SCUBE2: variants seen among roughly 807,000 people sequenced by gnomAD.
The protein encoded by SCUBE2 is signal peptide, CUB and EGF-like domain-containing protein 2.
A neutral mutation model predicts 125.9 loss-of-function variants in SCUBE2; 114 were observed. The observed-to-expected ratio is 0.91, with a 90% confidence interval of 0.78 to 1.06. The LOEUF (loss-of-function observed/expected upper bound fraction) is 1.06. Among genes scored for constraint, SCUBE2 ranks in the 50% least tolerant of loss-of-function variants. The pLI is 0.00. For synonymous variants in SCUBE2, 459 were observed against 492.9 expected (o/e 0.93, Z 0.91); for missense variants, 1,255 against 1,301.8 (o/e 0.96, Z 0.55).
intron 16 of SCUBE2, among the ~76,000 whole-genome samples, chr11:9,036,348 C>T (rs1856753203): frequency 6.6e-6 from 1 of 152,240 alleles, no homozygotes; most frequent in Admixed American, 6.5e-5. Flanking sequence ...CTGGTTCCAG[C>T]CCATCTCTCA....
chr11:9,047,811 C>A, intron 15 of SCUBE2, 132 bp downstream of exon 15: 1 of 1,154,406 alleles, frequency 8.7e-7, no homozygotes, highest in Non-Finnish European at 1.2e-6. Context: ...AGTTTAGTTT[C>A]GGGGTGAAAA....
rs1431638121 is a variant in SCUBE2, at chr11:9,079,469, G to C, written c.297C>G (p.Val99=). The change falls in exon 3 of 23, where the codon GTC becomes GTG. Residue 99 remains valine (V), a synonymous_variant. Transcript: ENST00000649792. ...TGCCTGGAATATTCAAACAGTCATG[G>C]ACACAGCCTCCATTGAGCTCATTTC... is the stretch of plus-strand genomic sequence containing the variant. ...ECGNELNGGC[V]HDCLNIPGNY... 5 of 1,614,074 alleles carry C rather than the reference G, an allele frequency of 3.1e-6. No individual in the cohort carries two copies. The highest frequency in any genetic ancestry group is 4.2e-6 in the Non-Finnish European group (5 of 1,179,972).
intron 7 of SCUBE2, 101 bp downstream of exon 7, chr11:9,065,790 G>T (rs1329057676): frequency 5.3e-6 from 5 of 949,064 alleles, no homozygotes; most frequent in Non-Finnish European, 8.5e-6. Context: ...CAGTCCAGCT[G>T]GTCTGAGGGC....
chr11:9,045,606 GACAGACACACACACACACACACACAC>G (rs1181839824), intron 16 of SCUBE2, among the ~76,000 whole-genome samples: 1 of 115,162 alleles, frequency 8.7e-6, no homozygotes, highest in Non-Finnish European at 1.9e-5. Context: ...AAGACAGACA[GACAGACACACACACACACACACACAC>G]ACACACACAC....
intron 1 of SCUBE2, chr11:9,090,361 G>C (rs554804494): frequency 6.5e-6 from 1 of 154,186 alleles, no homozygotes; most frequent in African/African-American, 2.4e-5. Flanking sequence ...CTTTCTCGGA[G>C]CTCAGAGCAA....
rs1299237412 is a variant in SCUBE2, at chr11:9,091,226, C to T, written c.133+170G>A. 1.3e-5 allele frequency among the ~76,000 whole-genome samples: 2 copies of T among 152,092 alleles called. No individual in the cohort carries two copies. The highest frequency in any genetic ancestry group is 4.8e-5 in the African/African-American group (2 of 41,422). On this transcript the variant is annotated intron_variant, in intron 1 of 22. Transcript: ENST00000649792. The surrounding 1 kb of genome is among the most constrained non-coding windows in gnomAD (Gnocchi z 8.5). ...GGACTCAGGGCCCCAGCGGTCGTGG[C>T]GCCTTGGCCCGGCCGGCGGGTGAGG...
At chr11:9,039,634 C>T (rs1313726868) in intron 16 of SCUBE2, among the ~76,000 whole-genome samples, 1 of 152,058 alleles carries the variant, frequency 6.6e-6, no homozygotes, top group African/African-American at 2.4e-5. Context: ...GTTTCTACAC[C>T]CATGCCTACG....
chr11:9,025,745 C>A lies in SCUBE2; in HGVS notation c.2811G>T (p.Gly937=). The change falls in exon 21 of 23, where the codon GGG becomes GGT. Residue 937 remains glycine (G), a synonymous_variant. Transcript: ENST00000649792. ...GGACCTGGAACCCTCTAGCGCTGTT[C>A]CCTTCATTGGACTTGAACTGAATCC... is the stretch of plus-strand genomic sequence containing the variant. ...KLWIQFKSNE[G]NSARGFQVPY... is the part of the protein sequence containing the mutation. 6.2e-7 allele frequency: 1 copy of A among 1,614,144 alleles called. No homozygotes were observed. Among genetic ancestry groups the A allele is most frequent in the African/African-American group, 1.3e-5 (1 of 75,026 alleles).
rs1858551710 is a variant in SCUBE2, at chr11:9,052,776, G to C, written c.1504C>G (p.Gln502Glu). ...CGSSSPLRNK[Q>E]QKSNDSAFGD... Reference sequence around the variant, plus strand: ...AAAGCAGAGTCATTTGATTTTTGTTGTTTGTTCCTGAGAGGAGAGGAAGAG... The same window carrying C: ...AAAGCAGAGTCATTTGATTTTTGTTCTTTGTTCCTGAGAGGAGAGGAAGAG... Residue 502 changes from glutamine to glutamate, a missense_variant, in exon 13 of 23, where the codon CAA (glutamine) becomes GAA (glutamate). Coordinates refer to ENST00000649792, the MANE Select transcript of SCUBE2 (RefSeq NM_001367977.2). The C allele has an allele frequency of 6.5e-7, 1 of 1,537,024 alleles. No individual in the cohort carries two copies. The highest frequency in any genetic ancestry group is 8.7e-7 in the Non-Finnish European group (1 of 1,146,822).
At chr11:9,065,709 T>C (rs572069574) in intron 7 of SCUBE2, among the ~76,000 whole-genome samples, 182 bp downstream of exon 7, 170 of 152,310 alleles carry the variant, frequency 1.1e-3, no homozygotes, top group African/African-American at 3.8e-3. Context: ...AGGGTCTTGC[T>C]TGGTTGGTGA....
rs1294874493 is a variant in SCUBE2, at chr11:9,065,839, G to A, written c.850+52C>T. 5 of 1,486,840 alleles carry A rather than the reference G, an allele frequency of 3.4e-6. No homozygotes were observed. In the East Asian group the frequency reaches 1.1e-4, roughly 34 times the overall value. The allele number at this position is 1,486,840 out of a possible 1,614,324, so 92.1% of individuals were successfully genotyped here. On this transcript the variant is annotated intron_variant, in intron 7 of 22. Coordinates refer to ENST00000649792, the MANE Select transcript of SCUBE2 (RefSeq NM_001367977.2). ...GTTCAGGTCTGATGCAATAAGTTGG[G>A]GAGGGAAAAGGACAATTGCAGTGGC... is the stretch of plus-strand genomic sequence containing the variant.
chr11:9,079,635 C>T (rs1236621436), intron 2 of SCUBE2, 126 bp from the exon 3 acceptor site: 6 of 944,004 alleles, frequency 6.4e-6, no homozygotes, highest in African/African-American at 3.3e-5. Flanking sequence ...AATAGGAAAA[C>T]AAATACGCAC....
chr11:9,039,985 C>T (rs577066909), intron 16 of SCUBE2, among the ~76,000 whole-genome samples: 2 of 152,340 alleles, frequency 1.3e-5, no homozygotes, highest in African/African-American at 2.4e-5. Context: ...GTAAACGTGA[C>T]GCGAGCCCAT....
rs112244801 is a variant in SCUBE2, at chr11:9,021,035, G to A, written c.*10C>T. The A allele has an allele frequency of 1.9e-5, 31 of 1,611,106 alleles. No homozygotes were observed. The highest frequency in any genetic ancestry group is 4.5e-5 in the East Asian group (2 of 44,858). On this transcript the variant is annotated 3_prime_UTR_variant, in exon 23 of 23. Coordinates refer to ENST00000649792, the MANE Select transcript of SCUBE2 (RefSeq NM_001367977.2). ...GCAGAACATTTGTATTGAGTGGCACGTGGGCTGAGTCATTTGTAAGGTCTC... is the reference window on the plus strand; with the variant it reads ...GCAGAACATTTGTATTGAGTGGCACATGGGCTGAGTCATTTGTAAGGTCTC...
chr11:9,031,006 G>T, intron 17 of SCUBE2, 81 bp from the exon 18 acceptor site: 1 of 1,357,638 alleles, frequency 7.4e-7, no homozygotes, highest in Non-Finnish European at 1.0e-6. Flanking sequence ...ACCAACTTCA[G>T]TCCAACCTGT....
chr11:9,087,956 GAA>G (rs1315336160), intron 2 of SCUBE2, among the ~76,000 whole-genome samples: 8 of 152,176 alleles, frequency 5.3e-5, no homozygotes. Flanking sequence ...CTGTTTGTTG[GAA>G]AAGACTTTGT....
chr11:9,083,616 A>G (rs1356322307), intron 2 of SCUBE2, among the ~76,000 whole-genome samples: 2 of 149,902 alleles, frequency 1.3e-5, no homozygotes, highest in African/African-American at 4.9e-5. Flanking sequence ...GTGCAGTGGC[A>G]CGATCTTGGC....
intron 7 of SCUBE2, among the ~76,000 whole-genome samples, chr11:9,063,406 G>A (rs552046984): frequency 2.4e-4 from 36 of 152,296 alleles, no homozygotes; most frequent in African/African-American, 8.4e-4. Context: ...TGGGAAGGAG[G>A]AGAAGATCCT....
At chr11:9,072,909 C>T (rs1011787236) in intron 4 of SCUBE2, among the ~76,000 whole-genome samples, 12 of 152,174 alleles carry the variant, frequency 7.9e-5, no homozygotes, top group South Asian at 2.1e-4. Context: ...CTAATCAGTC[C>T]GGGGGCTTGC....
Sources: gnomAD v4.1 joint callset for allele counts (sites outside exome capture counted in the v4.1 genomes callset) on GRCh38, gnomAD v4.1.1 for gene constraint, Gnocchi (gnomAD v3.1) non-coding constraint, MANE v1.5 for transcripts, NCBI Gene and HGNC (gene_info 2026-07-23, HGNC 2026-07-21) for gene names.